The following LRP4 variants were observed in gnomAD, a reference collection of about 807,000 sequenced individuals.
LRP4 encodes the protein LDL receptor related protein 4.
Under a neutral mutation model 220.3 loss-of-function variants are expected in LRP4, and 95 were observed. The observed-to-expected ratio is 0.43, with a 90% CI of 0.37 to 0.51. The LOEUF (loss-of-function observed/expected upper bound fraction) is 0.51, where lower values mean the gene tolerates loss of function less well. Ranked by LOEUF, LRP4 falls within the 20% of genes least tolerant of loss-of-function variation. LRP4 has a pLI of 0.00. For synonymous variants in LRP4, 903 were observed against 954.6 expected, an observed-to-expected ratio of 0.95 and a Z score of 1.00; for missense variants, 1,925 against 2,567.0, an observed-to-expected ratio of 0.75 and a Z score of 5.40.
Position 46,873,117 on chromosome 11 carries a change from C to T in LRP4, c.4566G>A (p.Leu1522=). ...TDLGWPNGLT[L]DYDTRRIYWV... ...ACTCCCACCTGCGGGTATCATAGTCCAGGGTAAGGCCATTGGGCCAACCCA... is the reference window on the plus strand; with the variant it reads ...ACTCCCACCTGCGGGTATCATAGTCTAGGGTAAGGCCATTGGGCCAACCCA... Residue 1522 remains leucine, a synonymous_variant, in exon 30 of 38, where the codon CTG becomes CTA. Transcript: ENST00000378623. The surrounding 1 kb of genome is among the most constrained non-coding windows in gnomAD (Gnocchi z 4.2). 3.7e-6 allele frequency: 6 copies of T among 1,614,190 alleles called. No individual in the cohort carries two copies. The highest frequency in any genetic ancestry group is 5.1e-6 in the Non-Finnish European group (6 of 1,180,034).
chr11:46,889,598 A>G (rs1941376849), intron 15 of LRP4, 65 bp from the exon 16 acceptor site: 2 of 1,601,012 alleles, frequency 1.2e-6, no homozygotes, highest in Non-Finnish European at 1.7e-6. Context: ...AAGACTAGGG[A>G]ATAGGGGTTT....
rs2134789575 is a variant in LRP4, at chr11:46,873,468, A to G, written c.4355T>C (p.Ile1452Thr). Reference sequence around the variant, plus strand: ...GGAACCATCCAGCCTGGACGCCTCAATGGTATTTCGACCTGTGTCTGTCCA... The same window carrying G: ...GGAACCATCCAGCCTGGACGCCTCAGTGGTATTTCGACCTGTGTCTGTCCA... ...LYWTDTGRNT[I>T]EASRLDGSCR... Residue 1452 changes from isoleucine to threonine, a missense_variant, in exon 29 of 38, where the codon ATT becomes ACT. Physicochemically the swap from Ile to Thr is moderately conservative, Grantham distance 89. Around this residue, in one of 3 missense-constraint regions of LRP4, gnomAD observed 1,244 missense variants for 1,624.9 expected, o/e 0.77. Transcript: ENST00000378623. This position sits in a 1 kb window ranked among gnomAD's most constrained non-coding sequence, Gnocchi z 4.2. 5 of 1,614,184 alleles carry G rather than the reference A, an allele frequency of 3.1e-6. No homozygotes were observed. The highest frequency in any genetic ancestry group is 4.2e-6 in the Non-Finnish European group (5 of 1,180,036).
chr11:46,878,819 C>T, intron 22 of LRP4, 88 bp downstream of exon 22: 1 of 1,582,230 alleles, frequency 6.3e-7, no homozygotes, highest in Non-Finnish European at 8.7e-7. Context: ...GTTTCTCAGA[C>T]CACATTGGAG....
rs564360750 is a variant in LRP4 at position 46,900,962 on chromosome 11, T to TG, written c.200-585_200-584insC. The stretch of plus-strand genomic sequence containing the variant: ...CTGCCACACCCAGCTATCTTTTTTT[T>TG]TGTGTGTATTTTTAGTAGAGGTGGG... On this transcript the variant is annotated intron_variant, in intron 2 of 37. Transcript: ENST00000378623. 1.6e-3 allele frequency among the ~76,000 whole-genome samples: 243 copies of TG among 152,182 alleles called. 1 individual carries two copies. The highest frequency in any genetic ancestry group is 5.3e-3 in the African/African-American group (222 of 41,526).
Position 46,900,261 on chromosome 11 carries a change from C to T in LRP4, c.316+1G>A, listed in dbSNP as rs780336679. The T allele has an allele frequency of 1.9e-5, 31 of 1,611,854 alleles. No homozygotes were observed. Among genetic ancestry groups the T allele is most frequent in the Non-Finnish European group, 2.4e-5 (28 of 1,178,062 alleles). On this transcript the variant is annotated splice_donor_variant, in intron 3 of 37. Coordinates refer to ENST00000378623, the MANE Select transcript of LRP4 (RefSeq NM_002334.4). LOFTEE classifies it high-confidence loss of function. Reference sequence around the variant, plus strand: ...TCCGCCCAGCCTCTGCCAACACTCACGACAGTCCTGCTCATCCGAGTCATC... The same window carrying T: ...TCCGCCCAGCCTCTGCCAACACTCATGACAGTCCTGCTCATCCGAGTCATC...
intron 1 of LRP4, among the ~76,000 whole-genome samples, chr11:46,913,840 ACTT>A (rs1398616847): frequency 1.3e-5 from 2 of 152,138 alleles, no homozygotes; most frequent in African/African-American, 4.8e-5. Flanking sequence ...AGCTTAGCAG[ACTT>A]CTTTTCTAGG....
At position 46,895,994 on chromosome 11, in the gene LRP4, C is replaced by T. The variant is rs1233386437; in HGVS notation, c.1073G>A (p.Cys358Tyr). The change falls in exon 10 of 38, where the codon TGC (cysteine) becomes TAC (tyrosine). Residue 358 changes from cysteine to tyrosine, a missense_variant. Cys to Tyr is a radical substitution (Grantham distance 194). This residue lies in a region of LRP4 where 412 missense variants were observed against 505.4 expected (regional missense o/e 0.82). Transcript: ENST00000378623. ...GGCACAGCCACCGTTGTTAACATTG[C>T]AGTTCTCCTCACCCGTCCGGGGCCC... ...NCRPRTGEEN[C>Y]NVNNGGCAQK... is the part of the protein sequence containing the mutation. The T allele has an allele frequency of 6.2e-7, 1 of 1,614,176 alleles. No homozygotes were observed. The highest frequency in any genetic ancestry group is 8.5e-7 in the Non-Finnish European group (1 of 1,180,038).
chr11:46,904,580 G>A (rs943689015), intron 1 of LRP4, among the ~76,000 whole-genome samples: 6 of 152,256 alleles, frequency 3.9e-5, no homozygotes, highest in South Asian at 2.1e-4. Flanking sequence ...TATAATGTAC[G>A]TTTCTGGGGT....
At chr11:46,870,683 G>C (rs985135538) in intron 31 of LRP4, among the ~76,000 whole-genome samples, 3 of 152,208 alleles carry the variant, frequency 2.0e-5, no homozygotes, top group Admixed American at 2.0e-4. Flanking sequence ...GCCTCAGCCA[G>C]AGTGCTGTGA....
intron 1 of LRP4, among the ~76,000 whole-genome samples, chr11:46,911,398 C>A (rs1241580316): frequency 6.6e-6 from 1 of 152,062 alleles, no homozygotes; most frequent in Non-Finnish European, 1.5e-5. Flanking sequence ...CTTCCCCCTA[C>A]ATCTCAAATC....
Position 46,858,928 on chromosome 11 carries a change from A to G in LRP4, c.*55T>C, listed in dbSNP as rs1321245021. ...GCCTGCGGTGTAAGCGAGCACAAGGACTAGACGTCCATAAAGGAGAAGGAA... is the reference window on the plus strand; with the variant it reads ...GCCTGCGGTGTAAGCGAGCACAAGGGCTAGACGTCCATAAAGGAGAAGGAA... On this transcript the variant is annotated 3_prime_UTR_variant, in exon 38 of 38. Transcript: ENST00000378623. 2.0e-6 allele frequency: 3 copies of G among 1,537,234 alleles called. No individual in the cohort carries two copies. The highest frequency in any genetic ancestry group is 2.2e-5 in the East Asian group (1 of 44,564).
chr11:46,909,012 C>T (rs1941808546), intron 1 of LRP4, among the ~76,000 whole-genome samples: 1 of 152,216 alleles, frequency 6.6e-6, no homozygotes, highest in Non-Finnish European at 1.5e-5. Context: ...CATTCTGACA[C>T]TTAAACTAGT....
Position 46,873,442 on chromosome 11 carries a change from A to C in LRP4, c.4381T>G (p.Cys1461Gly). 1 of 1,614,186 alleles carries C rather than the reference A, an allele frequency of 6.2e-7. No individual in the cohort carries two copies. Among genetic ancestry groups the C allele is most frequent in the East Asian group, 2.2e-5 (1 of 44,888 alleles). The change falls in exon 29 of 38, where the codon TGC becomes GGC. Residue 1461 changes from cysteine to glycine, a missense_variant. Physicochemically the swap from Cys to Gly is radical, Grantham distance 159. Around this residue, in one of 3 missense-constraint regions of LRP4, gnomAD observed 1,244 missense variants for 1,624.9 expected, o/e 0.77. Coordinates refer to ENST00000378623, the MANE Select transcript of LRP4 (RefSeq NM_002334.4). The surrounding 1 kb of genome is among the most constrained non-coding windows in gnomAD (Gnocchi z 4.2). The stretch of plus-strand genomic sequence containing the variant: ...CTATTGTTGATCAGTACTTTGCGGC[A>C]GGAACCATCCAGCCTGGACGCCTCA... ...TIEASRLDGS[C>G]RKVLINNSLD...
At chr11:46,868,467 A>G in intron 33 of LRP4, 133 bp downstream of exon 33, 1 of 754,054 alleles carries the variant, frequency 1.3e-6, no homozygotes. Flanking sequence ...ACTGCTACCA[A>G]TCACTCCACT....
chr11:46,886,352 C>T lies in LRP4; in HGVS notation c.2397G>A (p.Arg799=), dbSNP rs755507129. The part of the protein sequence containing the change: ...WTDVSTDTIS[R]AKWDGTGQEV... ...CCTGTCCTGTTCCATCCCACTTGGC[C>T]CTGCTGATGGTATCAGTGCTGACAT... Residue 799 remains arginine (R), a synonymous_variant, in exon 17 of 38, where the codon AGG becomes AGA. Coordinates refer to ENST00000378623, the MANE Select transcript of LRP4 (RefSeq NM_002334.4). 1 of 1,592,476 alleles carries T rather than the reference C, an allele frequency of 6.3e-7. No individual in the cohort carries two copies. Among genetic ancestry groups the T allele is most frequent in the African/African-American group, 1.3e-5 (1 of 74,582 alleles).
intron 1 of LRP4, among the ~76,000 whole-genome samples, chr11:46,907,591 T>C (rs1428626261): frequency 1.3e-5 from 2 of 152,232 alleles, no homozygotes; most frequent in Non-Finnish European, 2.9e-5. Context: ...ATGTATTTTA[T>C]GTGTGGCCCA....
At chr11:46,912,663 G>A (rs542728019) in intron 1 of LRP4, among the ~76,000 whole-genome samples, 50 of 152,314 alleles carry the variant, frequency 3.3e-4, no homozygotes, top group African/African-American at 1.1e-3. Flanking sequence ...CCCCCAAGGC[G>A]TGACAGGAAG....
chr11:46,913,546 A>G (rs1941901613), intron 1 of LRP4, among the ~76,000 whole-genome samples: 1 of 152,178 alleles, frequency 6.6e-6, no homozygotes, highest in Admixed American at 6.5e-5. Flanking sequence ...AAGGCTCCAC[A>G]ACAGCCCAGC....
At chr11:46,862,791 G>C (rs766104163) in intron 36 of LRP4, 44 bp from the exon 37 acceptor site, 5 of 1,589,238 alleles carry the variant, frequency 3.1e-6, no homozygotes, top group Non-Finnish European at 4.3e-6. Flanking sequence ...GATCTTTAAG[G>C]GGATGATACC....
Sources: allele counts gnomAD v4.1 joint callset (sites outside exome capture counted in the v4.1 genomes callset), GRCh38; gene constraint gnomAD v4.1.1; regional missense constraint gnomAD v4.1.1; non-coding constraint Gnocchi (gnomAD v3.1); transcripts MANE v1.5; gene names NCBI Gene and HGNC (gene_info 2026-07-23, HGNC 2026-07-21).